HK1: variants seen among roughly 807,000 people sequenced by gnomAD.
The protein encoded by HK1 is hexokinase 1, also known as hexokinase-1.
In HK1, 28 loss-of-function variants were observed where a neutral mutation model predicts 91.6. That is an observed-to-expected ratio of 0.31 (90% CI 0.23 to 0.42). The LOEUF (loss-of-function observed/expected upper bound fraction) is 0.42, where lower values mean the gene tolerates loss of function less well. HK1 is among the 10% of genes least tolerant of loss of function. The probability of loss-of-function intolerance (pLI) is 1.00; values close to 1 mark genes in which losing one functional copy is unlikely to be tolerated. For synonymous variants in HK1, 430 were observed against 468.1 expected, an observed-to-expected ratio of 0.92 and a Z score of 1.05; for missense variants, 770 against 1,219.8, an observed-to-expected ratio of 0.63 and a Z score of 5.49.
chr10:69,320,413 C>T (rs1846939052), intron 1 of HK1, among the ~76,000 whole-genome samples: 1 of 152,138 alleles, frequency 6.6e-6, no homozygotes, highest in Admixed American at 6.5e-5. Context: ...TTTAAGCACT[C>T]TGGGGTTGTC....
At chr10:69,278,210 A>C (rs74138349) in intron 1 of HK1, among the ~76,000 whole-genome samples, 3,704 of 152,294 alleles carry the variant, frequency 0.024, 156 homozygotes, top group African/African-American at 0.083. Context: ...CTTCTTGGAA[A>C]CTGCCTGCCA....
chr10:69,274,318 C>A (rs1231396495), intron 1 of HK1, among the ~76,000 whole-genome samples: 1 of 151,878 alleles, frequency 6.6e-6, no homozygotes, highest in African/African-American at 2.4e-5. Flanking sequence ...ATACTTTTGC[C>A]CAGGCGCAGT....
In HK1 at chr10:69,334,381, G is replaced by A. The variant is rs185043893; in HGVS notation, c.64-9446G>A. Among the ~76,000 whole-genome samples, 325 of 152,284 alleles carry A rather than the reference G, an allele frequency of 2.1e-3. 15 individuals are homozygous for A. Among genetic ancestry groups the A allele is most frequent in the Admixed American group, 0.021 (321 of 15,304 alleles). ...ACAGTTCCTCTGGTAGCTTGCAGGTGACTCAGCTTGAATATGGGAGTGGGA... is the reference window on the plus strand; with the variant it reads ...ACAGTTCCTCTGGTAGCTTGCAGGTAACTCAGCTTGAATATGGGAGTGGGA... On this transcript the variant is annotated intron_variant, in intron 1 of 17. Transcript: ENST00000359426.
chr10:69,315,440 C>T (rs939385968), upstream of HK1, among the ~76,000 whole-genome samples: 2 of 152,082 alleles, frequency 1.3e-5, no homozygotes, highest in South Asian at 2.1e-4. Flanking sequence ...GGAGGTACCA[C>T]AGTAAATGAG....
intron 12 of HK1, among the ~76,000 whole-genome samples, chr10:69,385,407 G>A (rs1347773757): frequency 1.3e-5 from 2 of 152,228 alleles, no homozygotes; most frequent in Non-Finnish European, 2.9e-5. Context: ...GCTGGGCTCA[G>A]AGCTGAAGGT....
intron 4 of HK1, among the ~76,000 whole-genome samples, chr10:69,365,901 G>C (rs544885821): frequency 1.3e-5 from 2 of 152,182 alleles, no homozygotes; most frequent in South Asian, 4.2e-4. Flanking sequence ...GCACGATCTC[G>C]GCTCACTGCA....
At chr10:69,397,573 C>T (rs768729312) in intron 16 of HK1, among the ~76,000 whole-genome samples, 3 of 152,196 alleles carry the variant, frequency 2.0e-5, no homozygotes, top group Admixed American at 6.5e-5. Flanking sequence ...TCTTCTCCAC[C>T]GGCTGTGTGC....
intron 2 of HK1, among the ~76,000 whole-genome samples, chr10:69,348,165 CTTTACCCAAAAGAGAAGTT>C (rs1450363196): frequency 1.3e-5 from 2 of 152,026 alleles, no homozygotes; most frequent in Admixed American, 1.3e-4. Flanking sequence ...CCTACACAGC[CTTTACCCAAAAGAGAAGTT>C]TTTACCCAAA....
In HK1 at chr10:69,387,950, CAG is replaced by C. The variant is rs770219367; in HGVS notation, c.1936-1245_1936-1244del. Among the ~76,000 whole-genome samples the C allele has an allele frequency of 6.6e-5, 10 of 151,364 alleles. 1 individual carries two copies. The South Asian group carries it at 1.5e-3, about 22-fold the overall frequency. On this transcript the variant is annotated intron_variant, in intron 13 of 17. Coordinates refer to ENST00000359426, the MANE Select transcript of HK1 (RefSeq NM_000188.3). ...CTTTAAAAAACAAAACAAAACAAAA[CAG>C]AACACTTCAAATAACAGTCTAAAGA...
upstream of HK1, among the ~76,000 whole-genome samples, chr10:69,311,968 C>G (rs1469475866): frequency 6.6e-6 from 1 of 152,004 alleles, no homozygotes; most frequent in African/African-American, 2.4e-5. Context: ...TGACTTTTGT[C>G]AGGCTCAGAG....
At chr10:69,349,201 T>C (rs891126430) in intron 2 of HK1, among the ~76,000 whole-genome samples, 5 of 152,228 alleles carry the variant, frequency 3.3e-5, no homozygotes, top group Admixed American at 1.3e-4. Context: ...AATAAAAATC[T>C]AGAACACTGA....
At chr10:69,382,361 C>A in intron 9 of HK1, 126 bp from the exon 10 acceptor site, 5 of 1,014,468 alleles carry the variant, frequency 4.9e-6, no homozygotes, top group Non-Finnish European at 6.2e-6. Context: ...GGTGACAGAG[C>A]AAGACCCTGT....
At chr10:69,298,292 C>G (rs1368862522) in intron 4 of HK1, among the ~76,000 whole-genome samples, 1 of 151,726 alleles carries the variant, frequency 6.6e-6, no homozygotes, top group Non-Finnish European at 1.5e-5. Context: ...TAGACTGATC[C>G]TCACAAAATA....
chr10:69,331,448 C>T (rs937395568), intron 1 of HK1, among the ~76,000 whole-genome samples: 3 of 152,194 alleles, frequency 2.0e-5, no homozygotes, highest in East Asian at 3.8e-4. Context: ...GAATAGTAGG[C>T]GCCAGCCATA....
intron 2 of HK1, among the ~76,000 whole-genome samples, chr10:69,357,958 T>C (rs1303417178): frequency 6.6e-6 from 1 of 152,164 alleles, no homozygotes; most frequent in Non-Finnish European, 1.5e-5. Context: ...CTAAAAACCA[T>C]TGAATTGTAT....
At chr10:69,284,587 G>A (rs1045630777) in intron 2 of HK1, among the ~76,000 whole-genome samples, 4 of 152,176 alleles carry the variant, frequency 2.6e-5, no homozygotes, top group African/African-American at 9.7e-5. Flanking sequence ...GCTGAGAGAG[G>A]AGGATCACTG....
At chr10:69,330,071 A>C (rs187691602) in intron 1 of HK1, among the ~76,000 whole-genome samples, 62 of 152,278 alleles carry the variant, frequency 4.1e-4, no homozygotes, top group African/African-American at 1.4e-3. Flanking sequence ...GCTCCTTGCG[A>C]TGCCCACTCC....
In HK1 at chr10:69,380,636, C is replaced by T. The variant is rs975808478; in HGVS notation, c.1265+541C>T. Among the ~76,000 whole-genome samples, 1 of 152,174 alleles carries T rather than the reference C, an allele frequency of 6.6e-6. No homozygotes were observed. The highest frequency in any genetic ancestry group is 2.4e-5 in the African/African-American group (1 of 41,444). On this transcript the variant is annotated intron_variant, in intron 9 of 17. Coordinates refer to ENST00000359426, the MANE Select transcript of HK1 (RefSeq NM_000188.3). This position sits in a 1 kb window ranked among gnomAD's most constrained non-coding sequence, Gnocchi z 4.0. ...TTACTTTTTTAAATGGGCAGCTTGTCTGTGCTTGGCCTCTGAGAGCTGGAG... is the reference window on the plus strand; with the variant it reads ...TTACTTTTTTAAATGGGCAGCTTGTTTGTGCTTGGCCTCTGAGAGCTGGAG...
chr10:69,389,359 G>T, intron 14 of HK1, 63 bp downstream of exon 14: 1 of 1,246,770 alleles, frequency 8.0e-7, no homozygotes, highest in Non-Finnish European at 1.2e-6. Context: ...CCGTTTTGTG[G>T]GGCCTTGGCC....
Sources: allele counts gnomAD v4.1 joint callset (sites outside exome capture counted in the v4.1 genomes callset), GRCh38; gene constraint gnomAD v4.1.1; non-coding constraint Gnocchi (gnomAD v3.1); transcripts MANE v1.5; gene names NCBI Gene and HGNC (gene_info 2026-07-23, HGNC 2026-07-21).